Variants in MAPK6 observed in about 807,000 individuals in gnomAD.
MAPK6 encodes mitogen-activated protein kinase 6.
A neutral mutation model predicts 59.3 loss-of-function variants in MAPK6; 19 were observed. The ratio of observed to expected loss-of-function variants is 0.32; its 90% confidence interval spans 0.22 to 0.47. The LOEUF is 0.47. MAPK6 is among the 20% of genes least tolerant of loss of function. The probability of loss-of-function intolerance (pLI) is 1.00; values close to 1 mark genes in which losing one functional copy is unlikely to be tolerated. For synonymous variants in MAPK6, 316 were observed against 290.3 expected (o/e 1.09, Z -0.90); for missense variants, 724 against 847.9 (o/e 0.85, Z 1.81).
intron 3 of MAPK6, among the ~76,000 whole-genome samples, chr15:52,006,710 G>C (rs1321066819): frequency 6.6e-6 from 1 of 152,160 alleles, no homozygotes; most frequent in Non-Finnish European, 1.5e-5. Flanking sequence ...CTGCAATCAA[G>C]TTCTTCAAGC....
intron 2 of MAPK6, among the ~76,000 whole-genome samples, chr15:51,993,500 T>C (rs1027259583): frequency 2.0e-5 from 3 of 152,106 alleles, no homozygotes; most frequent in Non-Finnish European, 2.9e-5. Context: ...AGAAATGGAG[T>C]TACATATGTG....
chr15:51,993,842 C>T (rs2057217033), intron 2 of MAPK6, among the ~76,000 whole-genome samples: 1 of 146,594 alleles, frequency 6.8e-6, no homozygotes, highest in Non-Finnish European at 1.5e-5. Context: ...CTATGTTGCT[C>T]AGGCTAGTCT....
At position 52,061,411 on chromosome 15, in the gene MAPK6, A is replaced by C. The variant is rs773832773; in HGVS notation, c.978A>C (p.Pro326=). 6.2e-7 allele frequency: 1 copy of C among 1,613,794 alleles called. No individual in the cohort carries two copies. Residue 326 remains proline, a synonymous_variant, in exon 5 of 6, where the codon CCA becomes CCC. Coordinates refer to ENST00000261845, the MANE Select transcript of MAPK6 (RefSeq NM_002748.4). ...MSIYSFPMDE[P]ISSHPFHIED... ...TATATTCTTTTCCAATGGATGAGCC[A>C]ATTTCAAGCCATCCTTTTCATATTG...
chr15:52,022,384 C>A (rs753250899), intron 1 of MAPK6, among the ~76,000 whole-genome samples: 33 of 152,098 alleles, frequency 2.2e-4, no homozygotes, highest in Non-Finnish European at 4.6e-4. Context: ...CCTCAGCCTC[C>A]GGAGGAGCTG....
intron 1 of MAPK6, among the ~76,000 whole-genome samples, chr15:52,038,156 G>GA (rs35579384): frequency 0.78 from 113,120 of 145,248 alleles, 45,054 homozygotes; most frequent in Non-Finnish European, 0.88. Context: ...GCTCAAGATT[G>GA]AAAAAAAAAA....
At chr15:52,008,315 A>T (rs2029958906) in intron 3 of MAPK6, among the ~76,000 whole-genome samples, 1 of 152,172 alleles carries the variant, frequency 6.6e-6, no homozygotes, top group Admixed American at 6.6e-5. Context: ...GTGGTCTTTT[A>T]TGTCTTAGAA....
chr15:51,997,137 A>G (rs1052260332), intron 2 of MAPK6, among the ~76,000 whole-genome samples: 2 of 150,914 alleles, frequency 1.3e-5, no homozygotes, highest in Admixed American at 6.6e-5. Context: ...CCGCCACTAC[A>G]CCCAGCTAGT....
rs2032354183 is a variant in MAPK6, at chr15:52,064,929, C to A, written c.2095C>A (p.Pro699Thr). ...TAAGTCAATACAGGCCACATTAACA[C>A]CTTCTGCTATGAAATCTTCCCCTCA... ...PLKSIQATLTPSAMKSSPQIP... is the reference protein window; with the variant it reads ...PLKSIQATLTTSAMKSSPQIP... Residue 699 changes from proline to threonine, a missense_variant, in exon 6 of 6, where the codon CCT becomes ACT. Around this residue, in one of 4 missense-constraint regions of MAPK6, gnomAD observed 502 missense variants for 507.6 expected, o/e 0.99. Coordinates refer to ENST00000261845, the MANE Select transcript of MAPK6 (RefSeq NM_002748.4). 6.2e-7 allele frequency: 1 copy of A among 1,611,904 alleles called. No individual in the cohort carries two copies.
At chr15:52,016,569 G>C (rs746731240), upstream of MAPK6, among the ~76,000 whole-genome samples, 1 of 152,136 alleles carries the variant, frequency 6.6e-6, no homozygotes, top group Non-Finnish European at 1.5e-5. Flanking sequence ...ATCTCATTAA[G>C]TTACTCACAG....
chr15:51,996,007 C>T (rs1004659181), intron 2 of MAPK6, among the ~76,000 whole-genome samples: 10 of 152,212 alleles, frequency 6.6e-5, no homozygotes, highest in African/African-American at 1.4e-4. Context: ...TCAGCTACCA[C>T]CGCTTTCAGC....
chr15:51,992,038 C>T (rs1481673488), intron 2 of MAPK6, among the ~76,000 whole-genome samples: 2 of 151,146 alleles, frequency 1.3e-5, no homozygotes, highest in Non-Finnish European at 3.0e-5. Context: ...TTCACTGCAG[C>T]CTCGACATCC....
chr15:51,972,901 C>G (rs1426043936), intron 1 of MAPK6, among the ~76,000 whole-genome samples: 1 of 151,572 alleles, frequency 6.6e-6, no homozygotes, highest in Admixed American at 6.6e-5. Flanking sequence ...CCTAGCTACT[C>G]AGGAAACTGA....
At chr15:52,040,013 C>A (rs1277557552) in intron 1 of MAPK6, among the ~76,000 whole-genome samples, 2 of 152,134 alleles carry the variant, frequency 1.3e-5, no homozygotes, top group Middle Eastern at 3.2e-3. Flanking sequence ...CCTTGATGTC[C>A]AAATCCTGAA....
chr15:52,011,109 T>C (rs951576656), intron 3 of MAPK6: 7 of 152,238 alleles, frequency 4.6e-5, no homozygotes, highest in African/African-American at 1.7e-4. Context: ...AGTAACGAGA[T>C]ACTTGAGTCA....
chr15:52,034,411 C>G (rs1477623100), intron 1 of MAPK6, among the ~76,000 whole-genome samples: 1 of 152,012 alleles, frequency 6.6e-6, no homozygotes, highest in African/African-American at 2.4e-5. Flanking sequence ...CTCCCGGGTT[C>G]AAGCAGTCCT....
chr15:52,052,820 C>G (rs1161578958), intron 3 of MAPK6, among the ~76,000 whole-genome samples: 1 of 152,100 alleles, frequency 6.6e-6, no homozygotes, highest in East Asian at 1.9e-4. Flanking sequence ...GTTTCCACTT[C>G]TTGGTTATGA....
chr15:51,997,126 C>G (rs1446765774), intron 2 of MAPK6, among the ~76,000 whole-genome samples: 2 of 151,510 alleles, frequency 1.3e-5, no homozygotes, highest in Admixed American at 6.6e-5. Context: ...ATTACAGGCG[C>G]CCGCCACTAC....
intron 2 of MAPK6, among the ~76,000 whole-genome samples, chr15:51,990,132 T>A (rs1302635526): frequency 1.3e-5 from 2 of 152,246 alleles, no homozygotes; most frequent in Non-Finnish European, 2.9e-5. Context: ...TGGTGTGCTG[T>A]TATCCTAAGG....
chr15:51,972,499 T>C (rs2057135761), intron 1 of MAPK6, among the ~76,000 whole-genome samples: 1 of 151,596 alleles, frequency 6.6e-6, no homozygotes, highest in African/African-American at 2.4e-5. Context: ...ATAATATACA[T>C]GTTAACAAAC....
Sources: gnomAD v4.1 joint callset for allele counts (sites outside exome capture counted in the v4.1 genomes callset) on GRCh38, gnomAD v4.1.1 for gene constraint, gnomAD v4.1.1 regional missense constraint, MANE v1.5 for transcripts, NCBI Gene and HGNC (gene_info 2026-07-23, HGNC 2026-07-21) for gene names.